Variants in FAM83D observed in about 807,000 individuals in gnomAD.
FAM83D encodes protein FAM83D.
Under a neutral mutation model 25.4 loss-of-function variants are expected in FAM83D, and 26 were observed. The ratio of observed to expected loss-of-function variants is 1.02; its 90% CI spans 0.75 to 1.42. FAM83D has a LOEUF of 1.42. Ranked by LOEUF, FAM83D falls within the 40% of genes most tolerant of loss-of-function variation. The pLI, the probability that FAM83D is intolerant of heterozygous loss-of-function variation, is 0.00. For synonymous variants in FAM83D, 310 were observed against 318.5 expected (o/e 0.97, Z 0.28); for missense variants, 740 against 758.1 (o/e 0.98, Z 0.28).
At chr20:38,948,707 G>C (rs1481334607) in intron 3 of FAM83D, among the ~76,000 whole-genome samples, 1 of 152,186 alleles carries the variant, frequency 6.6e-6, no homozygotes, top group African/African-American at 2.4e-5. Flanking sequence ...TGTGTCTGTA[G>C]AATTTTAAAA....
intron 2 of FAM83D, among the ~76,000 whole-genome samples, chr20:38,944,961 T>A (rs1284694978): frequency 6.6e-6 from 1 of 151,682 alleles, no homozygotes; most frequent in East Asian, 1.9e-4. Flanking sequence ...AAAGGCCTAT[T>A]TCTCTGGCCT....
At position 38,926,632 on chromosome 20, in the gene FAM83D, G is replaced by A; in HGVS notation, c.190G>A (p.Glu64Lys). Reference protein sequence around the residue: ...ERLARFLNPDEVHAILRAAER... With the variant: ...ERLARFLNPDKVHAILRAAER... ...CCTGGCTCGTTTCCTGAACCCCGAT[G>A]AGGTGCACGCCATTCTGCGCGCGGC... The change falls in exon 1 of 4, where the codon GAG becomes AAG. Residue 64 changes from glutamate (E) to lysine (K), a missense_variant. Physicochemically the swap from Glu to Lys is moderately conservative, Grantham distance 56. This residue lies in a region of FAM83D where 333 missense variants were observed against 298.6 expected (regional missense o/e 1.12). Transcript: ENST00000619850. 1 of 1,540,066 alleles carries A rather than the reference G, an allele frequency of 6.5e-7. No individual in the cohort carries two copies. Among genetic ancestry groups the A allele is most frequent in the Non-Finnish European group, 8.7e-7 (1 of 1,148,656 alleles).
chr20:38,932,875 G>A (rs1234763064), intron 1 of FAM83D, among the ~76,000 whole-genome samples: 1 of 152,088 alleles, frequency 6.6e-6, no homozygotes, highest in East Asian at 1.9e-4. Flanking sequence ...CCTCACCCTC[G>A]GGCATCCTCT....
intron 2 of FAM83D, among the ~76,000 whole-genome samples, chr20:38,945,021 T>C (rs966655005): frequency 3.8e-4 from 58 of 152,064 alleles, no homozygotes; most frequent in African/African-American, 1.3e-3. Flanking sequence ...CTGTCTTCCC[T>C]GGTTGCTTGT....
intron 1 of FAM83D, among the ~76,000 whole-genome samples, chr20:38,933,574 C>T (rs2085666559): frequency 6.6e-6 from 1 of 152,204 alleles, no homozygotes; most frequent in African/African-American, 2.4e-5. Context: ...TTATCCCTTC[C>T]TTTTGATTTC....
intron 1 of FAM83D, among the ~76,000 whole-genome samples, chr20:38,932,610 T>C (rs1413989957): frequency 6.6e-6 from 1 of 152,238 alleles, no homozygotes; most frequent in Non-Finnish European, 1.5e-5. Context: ...ACTGTATCTG[T>C]TGATGACGCA....
chr20:38,929,317 A>G (rs2085649459), intron 1 of FAM83D, among the ~76,000 whole-genome samples: 2 of 152,196 alleles, frequency 1.3e-5, no homozygotes, highest in South Asian at 4.1e-4. Context: ...CCTTGCCAAC[A>G]CTTGAGAGTG....
rs773093502 is a variant in FAM83D, at chr20:38,952,303, C to T, written c.1541C>T (p.Pro514Leu). 101 of 1,613,990 alleles carry T rather than the reference C, an allele frequency of 6.3e-5. No individual in the cohort carries two copies. The highest frequency in any genetic ancestry group is 7.8e-5 in the Non-Finnish European group (92 of 1,180,040). Residue 514 changes from proline (P) to leucine (L), a missense_variant, in exon 4 of 4, where the codon CCC becomes CTC. Coordinates refer to ENST00000619850, the MANE Select transcript of FAM83D (RefSeq NM_030919.3). ...GGCTATCCCAAGTACCTGGGCACCC[C>T]CCACCTGGAACTGTACTTGAGTGAC... is the stretch of plus-strand genomic sequence containing the variant. ...NPGYPKYLGT[P>L]HLELYLSDSL... is the part of the protein sequence containing the mutation.
chr20:38,935,639 G>A (rs1472506267), intron 1 of FAM83D, among the ~76,000 whole-genome samples: 2 of 152,136 alleles, frequency 1.3e-5, no homozygotes, highest in Non-Finnish European at 2.9e-5. Context: ...GAGACAGGAT[G>A]TCAACTGTGT....
chr20:38,948,660 C>T (rs182492454), intron 3 of FAM83D, among the ~76,000 whole-genome samples: 12 of 152,254 alleles, frequency 7.9e-5, no homozygotes, highest in African/African-American at 1.7e-4. Flanking sequence ...TATGTTCTGC[C>T]GCCTCTGCGG....
intron 1 of FAM83D, among the ~76,000 whole-genome samples, chr20:38,932,871 C>A (rs1464313188): frequency 6.6e-6 from 1 of 152,188 alleles, no homozygotes; most frequent in Non-Finnish European, 1.5e-5. Context: ...ATGACCTCAC[C>A]CTCGGGCATC....
intron 1 of FAM83D, among the ~76,000 whole-genome samples, chr20:38,940,786 A>T (rs1422090496): frequency 6.6e-6 from 1 of 152,194 alleles, no homozygotes; most frequent in Non-Finnish European, 1.5e-5. Context: ...TTGTGGCAGG[A>T]GCAGCCTGTC....
intron 2 of FAM83D, 63 bp downstream of exon 2, chr20:38,942,189 T>A (rs2145805104): frequency 1.3e-6 from 2 of 1,566,930 alleles, no homozygotes; most frequent in East Asian, 4.5e-5. Context: ...ATCCATTATC[T>A]ACAAGCTGGC....
chr20:38,927,000 T>C, intron 1 of FAM83D, 75 bp downstream of exon 1: 1 of 1,399,792 alleles, frequency 7.1e-7, no homozygotes, highest in Non-Finnish European at 9.2e-7. Flanking sequence ...CTGCTGGGAG[T>C]ACGGGCCGGG....
intron 1 of FAM83D, among the ~76,000 whole-genome samples, chr20:38,936,113 G>A (rs1171333075): frequency 6.6e-6 from 1 of 151,944 alleles, no homozygotes; most frequent in Non-Finnish European, 1.5e-5. Flanking sequence ...TTCCAAGCAT[G>A]TTGCACACCT....
rs912709334 is a variant in FAM83D at position 38,936,666 on chromosome 20, G to C, written c.484-5293G>C. On this transcript the variant is annotated intron_variant, in intron 1 of 3. Coordinates refer to ENST00000619850, the MANE Select transcript of FAM83D (RefSeq NM_030919.3). ...ATGGCTCCGGAGTCACAGAGACCTG[G>C]GTTGAAATTCCAGCCCTTGTACTTG... Among the ~76,000 whole-genome samples, 3 of 152,034 alleles carry C rather than the reference G, an allele frequency of 2.0e-5. No individual in the cohort carries two copies. The South Asian group carries it at 6.2e-4, about 32-fold the overall frequency.
At chr20:38,939,932 A>C (rs1601333902) in intron 1 of FAM83D, among the ~76,000 whole-genome samples, 1 of 152,128 alleles carries the variant, frequency 6.6e-6, no homozygotes, top group East Asian at 1.9e-4. Context: ...CTGAGGAGGA[A>C]ACTGAGGCTC....
intron 1 of FAM83D, among the ~76,000 whole-genome samples, chr20:38,931,744 G>T (rs1054486847): frequency 6.6e-6 from 1 of 152,232 alleles, no homozygotes; most frequent in African/African-American, 2.4e-5. Context: ...AGCCTGAAGC[G>T]CTGGTTCTGG....
chr20:38,940,517 T>C (rs1218463325), intron 1 of FAM83D, among the ~76,000 whole-genome samples: 2 of 152,150 alleles, frequency 1.3e-5, no homozygotes, highest in African/African-American at 2.4e-5. Context: ...AAATGAATAA[T>C]CCTAACTTTC....
Sources: allele counts gnomAD v4.1 joint callset (sites outside exome capture counted in the v4.1 genomes callset), GRCh38; gene constraint gnomAD v4.1.1; regional missense constraint gnomAD v4.1.1; transcripts MANE v1.5; gene names NCBI Gene and HGNC (gene_info 2026-07-23, HGNC 2026-07-21).